Variants in CA5A observed in about 807,000 individuals in gnomAD.
CA5A encodes carbonic anhydrase 5A.
In CA5A, 28 loss-of-function variants were observed where a neutral mutation model predicts 37.1. The observed-to-expected ratio is 0.75, with a 90% CI of 0.56 to 1.03. The LOEUF (loss-of-function observed/expected upper bound fraction) is 1.03, where lower values mean the gene tolerates loss of function less well. Ranked by LOEUF, CA5A falls within the 50% of genes least tolerant of loss-of-function variation. CA5A has a pLI of 0.00. For missense variants in CA5A, 444 were observed against 399.9 expected, an observed-to-expected ratio of 1.11 and a Z score of -0.94; for synonymous variants, 171 against 158.4, an observed-to-expected ratio of 1.08 and a Z score of -0.60.
In CA5A at chr16:87,902,462, C is replaced by T. The variant is rs1251426166; in HGVS notation, c.518G>A (p.Gly173Glu). Residue 173 changes from glycine (G) to glutamate (E), a missense_variant, in exon 4 of 7, where the codon GGA becomes GAA. Coordinates refer to ENST00000649794, the MANE Select transcript of CA5A (RefSeq NM_001739.2). ...KYQNYKEAVVGENGLAVIGVF... is the reference protein window; with the variant it reads ...KYQNYKEAVVEENGLAVIGVF... Reference sequence around the variant, plus strand: ...GCCTATCACAGCCAAACCATTCTCTCCCACGACAGCTTCCTTGTAATTTTG... The same window carrying T: ...GCCTATCACAGCCAAACCATTCTCTTCCACGACAGCTTCCTTGTAATTTTG... 2.5e-6 allele frequency: 4 copies of T among 1,612,458 alleles called. No homozygotes were observed. The South Asian group carries it at 3.3e-5, about 13-fold the overall frequency.
At chr16:87,884,261 C>CAAAAAAAA (rs969489629), downstream of CA5A, 17 of 26,796 alleles carry the variant, frequency 6.3e-4, no homozygotes, top group African/African-American at 7.9e-4. Flanking sequence ...ACTAAAAATG[C>CAAAAAAAA]AAAAAAAAAA....
chr16:87,918,999 G>A (rs1304608016), intron 2 of CA5A, among the ~76,000 whole-genome samples: 1 of 152,228 alleles, frequency 6.6e-6, no homozygotes, highest in East Asian at 1.9e-4. Context: ...ATTGGCCCGC[G>A]TGGACGGGAG....
At position 87,893,761 on chromosome 16, in the gene CA5A, T is replaced by C. The variant is rs143689007; in HGVS notation, c.619-1807A>G. On this transcript the variant is annotated intron_variant, in intron 5 of 6. Transcript: ENST00000649794. ...TAAAATCAGAGAGGATTATTTTGCA[T>C]TGAATACACTCACAGCCAAAAAACA... 1.1e-3 allele frequency: 465 copies of C among 439,310 alleles called. 2 individuals carry two copies. The highest frequency in any genetic ancestry group is 8.8e-3 in the African/African-American group (436 of 49,310). The allele number at this position is 439,310 out of a possible 1,614,324, so 27.2% of individuals were successfully genotyped here. A position where few individuals can be genotyped will look rare whatever the true frequency, so the allele number is the denominator to read the frequency against.
At position 87,936,278 on chromosome 16, in the gene CA5A, C is replaced by T. The variant is rs188528908; in HGVS notation, c.142+31G>A. On this transcript the variant is annotated intron_variant, in intron 1 of 6. Transcript: ENST00000649794. ...CCATCAGCTAAGACAAGGATCCAGTCGCATCTTAGGAAATTTGAGGCTCTA... is the reference window on the plus strand; with the variant it reads ...CCATCAGCTAAGACAAGGATCCAGTTGCATCTTAGGAAATTTGAGGCTCTA... 94 of 1,521,042 alleles carry T rather than the reference C, an allele frequency of 6.2e-5. No individual in the cohort carries two copies. In the African/African-American group the frequency reaches 8.2e-4, roughly 13 times the overall value. The allele number at this position is 1,521,042 out of a possible 1,614,324, so 94.2% of individuals were successfully genotyped here. A position where few individuals can be genotyped will look rare whatever the true frequency, so the allele number is the denominator to read the frequency against.
intron 2 of CA5A, among the ~76,000 whole-genome samples, chr16:87,905,578 C>T: frequency 1.3e-5 from 2 of 152,158 alleles, no homozygotes; most frequent in Non-Finnish European, 2.9e-5. Flanking sequence ...AGGCTGGTCT[C>T]AAACTCCTGA....
chr16:87,929,881 A>AT (rs1261777945), intron 1 of CA5A, among the ~76,000 whole-genome samples: 2 of 151,370 alleles, frequency 1.3e-5, no homozygotes, highest in Admixed American at 6.6e-5. Context: ...CAAAAAAAAA[A>AT]AAAAAAAAAA....
chr16:87,918,653 G>A (rs2056188803), intron 2 of CA5A, among the ~76,000 whole-genome samples: 1 of 152,198 alleles, frequency 6.6e-6, no homozygotes, highest in East Asian at 1.9e-4. Flanking sequence ...GCAGTTCTCT[G>A]CACCTTGTCC....
chr16:87,931,223 T>C (rs557642444), intron 1 of CA5A, among the ~76,000 whole-genome samples: 60 of 151,826 alleles, frequency 4.0e-4, no homozygotes, highest in African/African-American at 1.5e-3. Context: ...GTGATTCTCC[T>C]GCCTCAGTCT....
chr16:87,925,795 T>C (rs914550154), intron 2 of CA5A, among the ~76,000 whole-genome samples: 38 of 152,178 alleles, frequency 2.5e-4, no homozygotes, highest in African/African-American at 8.4e-4. Flanking sequence ...ACCTCTCAAG[T>C]CACCTCCCAG....
At chr16:87,893,190 C>T (rs1184357436) in intron 5 of CA5A, 9 of 405,610 alleles carry the variant, frequency 2.2e-5, no homozygotes, top group South Asian at 4.0e-5. Flanking sequence ...TGCAGTGGTG[C>T]GATCTCAGCT....
downstream of CA5A, chr16:87,883,579 C>G (rs1156768491): frequency 6.6e-6 from 1 of 151,660 alleles, no homozygotes; most frequent in Non-Finnish European, 1.5e-5. Context: ...ATCTACCTGC[C>G]TCAGCCTTCC....
At chr16:87,904,649 T>C in intron 3 of CA5A, 137 bp downstream of exon 3, 1 of 595,386 alleles carries the variant, frequency 1.7e-6, no homozygotes, top group Admixed American at 2.7e-5. Flanking sequence ...CCGACGGTTC[T>C]GGTTTGAGCA....
chr16:87,901,692 A>G (rs1350225603), intron 5 of CA5A, among the ~76,000 whole-genome samples: 1 of 151,402 alleles, frequency 6.6e-6, no homozygotes, highest in Non-Finnish European at 1.5e-5. Context: ...GGTTCAAACG[A>G]TTCTCCTGCC....
chr16:87,906,661 G>A (rs973116100), intron 2 of CA5A, among the ~76,000 whole-genome samples: 2 of 152,022 alleles, frequency 1.3e-5, no homozygotes, highest in Non-Finnish European at 2.9e-5. Flanking sequence ...AGGCACCAAG[G>A]TGTAAACTGG....
chr16:87,912,405 G>A (rs1597567405), intron 2 of CA5A, among the ~76,000 whole-genome samples: 1 of 152,208 alleles, frequency 6.6e-6, no homozygotes, highest in Non-Finnish European at 1.5e-5. Context: ...CAGATACCAC[G>A]ATTCTCAAGG....
chr16:87,902,573 C>G, intron 3 of CA5A, 53 bp from the exon 4 acceptor site: 1 of 964,814 alleles, frequency 1.0e-6, no homozygotes. Context: ...ATAAGACAGT[C>G]ACTTCCCCTT....
chr16:87,915,468 C>G (rs895574157), intron 2 of CA5A, among the ~76,000 whole-genome samples: 5 of 149,956 alleles, frequency 3.3e-5, no homozygotes, highest in African/African-American at 1.2e-4. Context: ...TCAGGAGAAG[C>G]TTGCAGTGAG....
At chr16:87,888,656 C>T (rs935209245) in intron 6 of CA5A, among the ~76,000 whole-genome samples, 1 of 152,146 alleles carries the variant, frequency 6.6e-6, no homozygotes, top group African/African-American at 2.4e-5. Flanking sequence ...TGCTACAGTC[C>T]CAGCTGACAC....
chr16:87,885,510 T>C (rs58178697), downstream of CA5A: 21,067 of 152,468 alleles, frequency 0.14, 2,056 homozygotes, highest in African/African-American at 0.28. Flanking sequence ...AGGACAGGAA[T>C]GACCACTTTG....
Sources: allele counts gnomAD v4.1 joint callset (sites outside exome capture counted in the v4.1 genomes callset), GRCh38; gene constraint gnomAD v4.1.1; transcripts MANE v1.5; gene names NCBI Gene and HGNC (gene_info 2026-07-23, HGNC 2026-07-21).